MFHAS1: variants seen among roughly 807,000 people sequenced by gnomAD.
The protein encoded by MFHAS1 is malignant fibrous histiocytoma-amplified sequence 1.
Under a neutral mutation model 70.4 loss-of-function variants are expected in MFHAS1, and 50 were observed. The ratio of observed to expected loss-of-function variants is 0.71; its 90% confidence interval spans 0.57 to 0.90. The LOEUF (loss-of-function observed/expected upper bound fraction) is 0.90, where lower values mean the gene tolerates loss of function less well. Among genes scored for constraint, MFHAS1 ranks in the 40% least tolerant of loss-of-function variants. The probability of loss-of-function intolerance (pLI) is 0.00; values close to 1 mark genes in which losing one functional copy is unlikely to be tolerated. For missense variants in MFHAS1, 1,795 were observed against 1,347.6 expected (o/e 1.33, Z -5.20); for synonymous variants, 952 against 620.0 (o/e 1.54, Z -7.96).
rs546110098 is a variant in MFHAS1, at chr8:8,785,086, T to C, written c.*936A>G. The C allele has an allele frequency of 2.0e-5, 3 of 152,320 alleles. No individual in the cohort carries two copies. The highest frequency in any genetic ancestry group is 2.0e-4 in the Admixed American group (3 of 15,300). The allele number at this position is 152,320 out of a possible 1,614,324, so 9.4% of individuals were successfully genotyped here. A position where few individuals can be genotyped will look rare whatever the true frequency, so the allele number is the denominator to read the frequency against. ...AGTGCTCTGCTAAGTAAGGTACTTA[T>C]TAAGCAGAGCACTTTGTAAGATTCA... On this transcript the variant is annotated 3_prime_UTR_variant, in exon 3 of 3. Coordinates refer to ENST00000276282, the MANE Select transcript of MFHAS1 (RefSeq NM_004225.3).
intron 2 of MFHAS1, among the ~76,000 whole-genome samples, chr8:8,789,474 C>T (rs1421364887): frequency 1.3e-5 from 2 of 152,124 alleles, no homozygotes; most frequent in African/African-American, 2.4e-5. Flanking sequence ...GAGGGTCCAG[C>T]CTGGGGGGCA....
intron 1 of MFHAS1, among the ~76,000 whole-genome samples, chr8:8,867,099 T>G (rs1284360660): frequency 6.6e-6 from 1 of 152,226 alleles, no homozygotes; most frequent in South Asian, 2.1e-4. Context: ...AAATTTCTGA[T>G]ACTGCTAAGG....
In MFHAS1 at chr8:8,821,550, T is replaced by G. The variant is rs190061010; in HGVS notation, c.2999-24059A>C. On this transcript the variant is annotated intron_variant, in intron 1 of 2. Transcript: ENST00000276282. ...CACTGATTAATCACACTTTGATTTA[T>G]GCCAGAACTTCACATTTTCTTAAAA... 7.9e-5 allele frequency among the ~76,000 whole-genome samples: 12 copies of G among 152,336 alleles called. No homozygotes were observed. The East Asian group carries it at 1.9e-3, about 24-fold the overall frequency.
chr8:8,806,185 C>T (rs558801183), intron 1 of MFHAS1, among the ~76,000 whole-genome samples: 75 of 152,308 alleles, frequency 4.9e-4, no homozygotes, highest in African/African-American at 1.6e-3. Flanking sequence ...CTCTTCCTCA[C>T]GGGACGCCCA....
chr8:8,789,946 C>CTTT (rs1279826213), intron 2 of MFHAS1, among the ~76,000 whole-genome samples: 1 of 152,144 alleles, frequency 6.6e-6, no homozygotes, highest in East Asian at 1.9e-4. Context: ...TCCCCTCTCC[C>CTTT]CTCCTGCCCC....
At chr8:8,824,872 C>G (rs942212521) in intron 1 of MFHAS1, among the ~76,000 whole-genome samples, 1 of 152,176 alleles carries the variant, frequency 6.6e-6, no homozygotes, top group Non-Finnish European at 1.5e-5. Flanking sequence ...GCGATCGCAC[C>G]CTGGAGGAAG....
intron 1 of MFHAS1, 101 bp downstream of exon 1, chr8:8,889,959 AC>A (rs2116947662): frequency 2.1e-6 from 2 of 965,226 alleles, no homozygotes; most frequent in Non-Finnish European, 3.1e-6. Context: ...TTCCTGGAGA[AC>A]CCGTGAAGTT....
intron 1 of MFHAS1, among the ~76,000 whole-genome samples, chr8:8,841,450 A>T (rs1315338025): frequency 6.6e-6 from 1 of 151,062 alleles, no homozygotes; most frequent in Non-Finnish European, 1.5e-5. Context: ...CCTGGGCGAC[A>T]GATCAAGACT....
intron 1 of MFHAS1, among the ~76,000 whole-genome samples, chr8:8,878,274 G>A (rs1440891770): frequency 6.6e-6 from 1 of 152,212 alleles, no homozygotes; most frequent in African/African-American, 2.4e-5. Flanking sequence ...CGGTGGGTCA[G>A]AGCAGAGGTT....
intron 1 of MFHAS1, among the ~76,000 whole-genome samples, chr8:8,817,362 C>G (rs987027975): frequency 1.3e-5 from 2 of 152,178 alleles, no homozygotes; most frequent in African/African-American, 2.4e-5. Context: ...AGAGGTAATT[C>G]GCTTAATAAA....
At position 8,787,270 on chromosome 8, in the gene MFHAS1, T is replaced by C. The variant is rs182336178; in HGVS notation, c.3126-1215A>G. Among the ~76,000 whole-genome samples the C allele has an allele frequency of 6.6e-3, 1,005 of 152,158 alleles. 5 individuals are homozygous for C. Among genetic ancestry groups the C allele is most frequent in the African/African-American group, 0.02 (849 of 41,514 alleles). ...TAATTTTTTGCATTTTTAGTAGAGATGGGGTTTCACCATGTTAGCCAGGAT... is the reference window on the plus strand; with the variant it reads ...TAATTTTTTGCATTTTTAGTAGAGACGGGGTTTCACCATGTTAGCCAGGAT... On this transcript the variant is annotated intron_variant, in intron 2 of 2. Transcript: ENST00000276282.
chr8:8,805,476 G>C (rs1450720357), intron 1 of MFHAS1, among the ~76,000 whole-genome samples: 1 of 152,164 alleles, frequency 6.6e-6, no homozygotes, highest in East Asian at 1.9e-4. Context: ...TATTCATTAA[G>C]TGGAAGTAGA....
intron 1 of MFHAS1, among the ~76,000 whole-genome samples, chr8:8,868,178 C>CAA (rs749963257): frequency 1.6e-4 from 25 of 151,962 alleles, no homozygotes; most frequent in Non-Finnish European, 3.1e-4. Context: ...TTCCTTGCTG[C>CAA]AAGGCCTCTG....
In MFHAS1 at chr8:8,784,324, A is replaced by G. The variant is rs187947650; in HGVS notation, c.*1698T>C. 6.6e-6 allele frequency: 1 copy of G among 152,304 alleles called. No individual in the cohort carries two copies. Among genetic ancestry groups the G allele is most frequent in the African/African-American group, 2.4e-5 (1 of 41,562 alleles). The allele number at this position is 152,304 out of a possible 1,614,324, so 9.4% of individuals were successfully genotyped here. ...CGGAGACGCGCACACACACACGAGAACTGTGACAAAAGGATTCACCAGATT... is the reference window on the plus strand; with the variant it reads ...CGGAGACGCGCACACACACACGAGAGCTGTGACAAAAGGATTCACCAGATT... On this transcript the variant is annotated 3_prime_UTR_variant, in exon 3 of 3. Transcript: ENST00000276282.
At chr8:8,788,912 G>C (rs894646413) in intron 2 of MFHAS1, among the ~76,000 whole-genome samples, 1 of 152,204 alleles carries the variant, frequency 6.6e-6, no homozygotes, top group Non-Finnish European at 1.5e-5. Context: ...TTGGCAGAGT[G>C]GCTGGGTCTG....
At chr8:8,848,474 G>T (rs1407975294) in intron 1 of MFHAS1, among the ~76,000 whole-genome samples, 1 of 151,590 alleles carries the variant, frequency 6.6e-6, no homozygotes, top group Non-Finnish European at 1.5e-5. Flanking sequence ...AAAAGTGAAA[G>T]CCATTAACAT....
chr8:8,859,474 G>A (rs1018697771), intron 1 of MFHAS1, among the ~76,000 whole-genome samples: 6 of 152,088 alleles, frequency 3.9e-5, no homozygotes, highest in Non-Finnish European at 7.4e-5. Context: ...TTAACAACAC[G>A]GGTGTGAACT....
At position 8,890,339 on chromosome 8, in the gene MFHAS1, A is replaced by G. The variant is rs765555598; in HGVS notation, c.2720T>C (p.Val907Ala). 1.2e-5 allele frequency: 19 copies of G among 1,614,196 alleles called. No individual in the cohort carries two copies. In the Admixed American group the frequency reaches 2.2e-4, roughly 18 times the overall value. The change falls in exon 1 of 3, where the codon GTG becomes GCG. Residue 907 changes from valine (V) to alanine (A), a missense_variant. Physicochemically the swap from Val to Ala is moderately conservative, Grantham distance 64. Coordinates refer to ENST00000276282, the MANE Select transcript of MFHAS1 (RefSeq NM_004225.3). Reference protein sequence around the residue: ...RYSVQINSHVVHRSDGKFQIF... With the variant: ...RYSVQINSHVAHRSDGKFQIF... ...CTGAAATTTACCATCCGACCTGTGC[A>G]CCACATGGCTGTTGATCTGGACACT...
rs138248749 is a variant in MFHAS1, at chr8:8,891,648, G to C, written c.1411C>G (p.Leu471Val). 4.7e-5 allele frequency: 76 copies of C among 1,613,646 alleles called. No homozygotes were observed. The African/African-American group carries it at 9.9e-4, about 21-fold the overall frequency. Residue 471 changes from leucine to valine, a missense_variant, in exon 1 of 3, where the codon CTG becomes GTG. By Grantham distance (32) the Leu-to-Val change is conservative (BLOSUM62 1). Transcript: ENST00000276282. This position sits in a 1 kb window ranked among gnomAD's most constrained non-coding sequence, Gnocchi z 5.4. Reference sequence around the variant, plus strand: ...GCTAAGTCATACACGATGAACCGCAGGCCCCGGGAGGCATCGGCCGTCCAG... The same window carrying C: ...GCTAAGTCATACACGATGAACCGCACGCCCCGGGAGGCATCGGCCGTCCAG... ...TSWTADASRG[L>V]RFIVYDLAGD... is the part of the protein sequence containing the mutation.
Sources: gnomAD v4.1 joint callset for allele counts (sites outside exome capture counted in the v4.1 genomes callset) on GRCh38, gnomAD v4.1.1 for gene constraint, Gnocchi (gnomAD v3.1) non-coding constraint, MANE v1.5 for transcripts, NCBI Gene and HGNC (gene_info 2026-07-23, HGNC 2026-07-21) for gene names.